The following LRRC56 variants were observed in gnomAD, a reference collection of about 807,000 sequenced individuals.
LRRC56 encodes the protein leucine-rich repeat-containing protein 56.
A neutral mutation model predicts 47.8 loss-of-function variants in LRRC56; 41 were observed. That is an observed-to-expected ratio of 0.86 (90% confidence interval 0.67 to 1.11). LRRC56 has a LOEUF of 1.11. Among genes scored for constraint, LRRC56 ranks in the 50% most tolerant of loss-of-function variants. The pLI, the probability that LRRC56 is intolerant of heterozygous loss-of-function variation, is 0.00. For missense variants in LRRC56, 759 were observed against 704.2 expected (o/e 1.08, Z -0.88); for synonymous variants, 387 against 311.2 (o/e 1.24, Z -2.56).
the LRRC56 span, among the ~76,000 whole-genome samples, chr11:509,617 G>A: frequency 1.3e-5 from 2 of 152,096 alleles, no homozygotes; most frequent in East Asian, 1.9e-4. Flanking sequence ...GCGCGATCTC[G>A]GCTCACTGTA....
At chr11:525,327 C>T in the LRRC56 span, among the ~76,000 whole-genome samples, 1 of 152,064 alleles carries the variant, frequency 6.6e-6, no homozygotes, top group East Asian at 1.9e-4. Flanking sequence ...ATCACGAGGT[C>T]AGGAGATCGA....
In LRRC56 at chr11:541,522, G is replaced by C. The variant is rs372325567; in HGVS notation, c.178-15G>C. On this transcript the variant is annotated splice_polypyrimidine_tract_variant and intron_variant, in intron 4 of 13. Coordinates refer to ENST00000270115, the MANE Select transcript of LRRC56 (RefSeq NM_198075.4). The surrounding 1 kb of genome is among the most constrained non-coding windows in gnomAD (Gnocchi z 4.1). ...AGAGCCAGGACCAGCGCTGACCCCC[G>C]GTTGGTTTCTACAGCAGGCCCTGGC... 5 of 1,515,478 alleles carry C rather than the reference G, an allele frequency of 3.3e-6. No individual in the cohort carries two copies. Among genetic ancestry groups the C allele is most frequent in the Non-Finnish European group, 4.5e-6 (5 of 1,119,544 alleles). 93.9% of individuals were successfully genotyped at this position (1,515,478 alleles called of 1,614,324 possible).
At chr11:549,279 C>T (rs751954709) in intron 6 of LRRC56, among the ~76,000 whole-genome samples, 4 of 152,194 alleles carry the variant, frequency 2.6e-5, no homozygotes, top group Admixed American at 6.5e-5. Flanking sequence ...GGCGTAGCAG[C>T]GCTGAAGGGA....
upstream of LRRC56, among the ~76,000 whole-genome samples, chr11:534,915 C>G (rs1851367003): frequency 6.6e-6 from 1 of 152,220 alleles, no homozygotes; most frequent in Non-Finnish European, 1.5e-5. Context: ...CTTTCAGCCA[C>G]AGAAAGCTGG....
At chr11:518,796 C>T in the LRRC56 span, among the ~76,000 whole-genome samples, 3 of 152,116 alleles carry the variant, frequency 2.0e-5, no homozygotes, top group East Asian at 1.9e-4. Context: ...ACTCGCGGCG[C>T]CCCCTCCTGG....
intron 9 of LRRC56, 36 bp downstream of exon 9, chr11:551,338 C>A: frequency 1.4e-6 from 2 of 1,403,106 alleles, no homozygotes; most frequent in Non-Finnish European, 1.9e-6. Context: ...CACTGCTGAG[C>A]CCCAGCTCCC....
chr11:551,931 C>T lies in LRRC56; in HGVS notation c.1002C>T (p.Pro334=), dbSNP rs1261309597. Residue 334 remains proline (P), a synonymous_variant, in exon 11 of 14, where the codon CCC becomes CCT. Coordinates refer to ENST00000270115, the MANE Select transcript of LRRC56 (RefSeq NM_198075.4). ...CTGGCCAAGTCCTCTGTGGGAACCC[C>T]ACCAAGGGCCTGCGGGAGCGTAGGC... The part of the protein sequence containing the change: ...HGAGQVLCGN[P]TKGLRERRHQ... The T allele has an allele frequency of 9.9e-6, 16 of 1,612,648 alleles. No homozygotes were observed. The highest frequency in any genetic ancestry group is 1.4e-5 in the Non-Finnish European group (16 of 1,179,848).
In LRRC56 at chr11:552,119, A is replaced by G. The variant is rs1852429363; in HGVS notation, c.1068A>G (p.Gln356=). 1 of 1,612,334 alleles carries G rather than the reference A, an allele frequency of 6.2e-7. No homozygotes were observed. The highest frequency in any genetic ancestry group is 1.3e-5 in the African/African-American group (1 of 75,020). The change falls in exon 12 of 14, where the codon CAA becomes CAG. Residue 356 remains glutamine, a synonymous_variant. Coordinates refer to ENST00000270115, the MANE Select transcript of LRRC56 (RefSeq NM_198075.4). ...GGGAGCCCCCCGAGCAGCTGCCCCA[A>G]CACAGGCCAGGAGATCCGGCCGCCA... ...QAREPPEQLP[Q]HRPGDPAAST...
intron 6 of LRRC56, among the ~76,000 whole-genome samples, chr11:547,696 C>T (rs1852161394): frequency 6.6e-6 from 1 of 151,366 alleles, no homozygotes. Context: ...CTAAGAACAA[C>T]AAAAAAATAT....
At chr11:531,203 G>C in the LRRC56 span, among the ~76,000 whole-genome samples, 1 of 151,778 alleles carries the variant, frequency 6.6e-6, no homozygotes, top group East Asian at 1.9e-4. Context: ...AGAGAAGGGC[G>C]AGTGTGGTAT....
intron 5 of LRRC56, among the ~76,000 whole-genome samples, chr11:542,600 A>C (rs1240137772): frequency 2.0e-5 from 3 of 150,032 alleles, no homozygotes; most frequent in Non-Finnish European, 4.4e-5. Context: ...AAAAAAAAAA[A>C]AAAACACTCC....
intron 12 of LRRC56, 52 bp downstream of exon 12, chr11:552,284 T>G (rs761016720): frequency 1.9e-6 from 3 of 1,567,850 alleles, no homozygotes; most frequent in Non-Finnish European, 2.6e-6. Context: ...CGTGGGGAAA[T>G]CAGGGCTGGG....
intron 5 of LRRC56, among the ~76,000 whole-genome samples, chr11:542,435 AC>A (rs1051267797): frequency 1.3e-5 from 2 of 151,934 alleles, no homozygotes; most frequent in African/African-American, 4.8e-5. Context: ...ACATAGCAAG[AC>A]CCCTGTGTCT....
chr11:507,603 C>T, the LRRC56 span, among the ~76,000 whole-genome samples: 5 of 152,068 alleles, frequency 3.3e-5, no homozygotes, highest in Admixed American at 2.0e-4. Flanking sequence ...GGGGCGGAAT[C>T]GCAGGCGCGG....
chr11:549,272 G>A (rs928121653), intron 6 of LRRC56, among the ~76,000 whole-genome samples: 7 of 152,232 alleles, frequency 4.6e-5, no homozygotes, highest in Non-Finnish European at 8.8e-5. Context: ...CAGAGATGGC[G>A]TAGCAGCGCT....
At position 541,668 on chromosome 11, in the gene LRRC56, C is replaced by G. The variant is rs766559885; in HGVS notation, c.265+44C>G. On this transcript the variant is annotated intron_variant, in intron 5 of 13. Coordinates refer to ENST00000270115, the MANE Select transcript of LRRC56 (RefSeq NM_198075.4). The surrounding 1 kb of genome is among the most constrained non-coding windows in gnomAD (Gnocchi z 4.1). ...CGCCATGGCCACGGCCACGGCCACG[C>G]CTCCCTGTAAACAACACACGTTTCC... is the stretch of plus-strand genomic sequence containing the variant. The G allele has an allele frequency of 2.4e-6, 3 of 1,241,156 alleles. No individual in the cohort carries two copies. The highest frequency in any genetic ancestry group is 4.5e-5 in the Admixed American group (2 of 44,796). The allele number at this position is 1,241,156 out of a possible 1,614,324, so 76.9% of individuals were successfully genotyped here.
In LRRC56 at chr11:541,510, G is replaced by C. The variant is rs766154597; in HGVS notation, c.178-27G>C. The C allele has an allele frequency of 1.4e-6, 2 of 1,439,008 alleles. No homozygotes were observed. The highest frequency in any genetic ancestry group is 9.5e-7 in the Non-Finnish European group (1 of 1,058,182). 89.1% of individuals were successfully genotyped at this position (1,439,008 alleles called of 1,614,324 possible). The stretch of plus-strand genomic sequence containing the variant: ...ACTAAAGTGGGGAGAGCCAGGACCA[G>C]CGCTGACCCCCGGTTGGTTTCTACA... On this transcript the variant is annotated intron_variant, in intron 4 of 13. Transcript: ENST00000270115. This position sits in a 1 kb window ranked among gnomAD's most constrained non-coding sequence, Gnocchi z 4.1.
At chr11:531,389 T>C in the LRRC56 span, among the ~76,000 whole-genome samples, 4 of 152,136 alleles carry the variant, frequency 2.6e-5, no homozygotes, top group African/African-American at 9.7e-5. Flanking sequence ...AGGGGCGCTG[T>C]GGGCCCCCAG....
At position 551,771 on chromosome 11, in the gene LRRC56, A is replaced by C; in HGVS notation, c.917A>C (p.Glu306Ala). The change falls in exon 10 of 14, where the codon GAA becomes GCA. Residue 306 changes from glutamate to alanine, a missense_variant. Transcript: ENST00000270115. ...CTGGTCCGTGGGGGCCCCCTGCCTG[A>C]AGGCCTGCTTTCTGAGGACCTGGCC... ...SLLVRGGPLP[E>A]GLLSEDLAPE... 6.2e-7 allele frequency: 1 copy of C among 1,610,542 alleles called. No homozygotes were observed. The highest frequency in any genetic ancestry group is 8.5e-7 in the Non-Finnish European group (1 of 1,178,844).
Sources: gnomAD v4.1 joint callset for allele counts (sites outside exome capture counted in the v4.1 genomes callset) on GRCh38, gnomAD v4.1.1 for gene constraint, Gnocchi (gnomAD v3.1) non-coding constraint, MANE v1.5 for transcripts, NCBI Gene and HGNC (gene_info 2026-07-23, HGNC 2026-07-21) for gene names.